MTAP: variants seen among roughly 807,000 people sequenced by gnomAD.
MTAP encodes methylthioadenosine phosphorylase, also known as S-methyl-5'-thioadenosine phosphorylase.
Under a neutral mutation model 33.6 loss-of-function variants are expected in MTAP, and 33 were observed. That is an observed-to-expected ratio of 0.98 (90% confidence interval 0.74 to 1.31). The LOEUF is 1.31. MTAP is among the 40% of genes most tolerant of loss of function. The pLI, the probability that MTAP is intolerant of heterozygous loss-of-function variation, is 0.00. For missense variants in MTAP, 367 were observed against 360.0 expected (o/e 1.02, Z -0.16); for synonymous variants, 148 against 125.7 (o/e 1.18, Z -1.19).
Position 21,876,217 on chromosome 9 carries a change from G to GT in MTAP, c.147+21356dup, listed in dbSNP as rs576851775. Among the ~76,000 whole-genome samples the GT allele has an allele frequency of 5.8e-3, 867 of 150,024 alleles. 18 individuals carry two copies. Among genetic ancestry groups the GT allele is most frequent in the East Asian group, 0.056 (286 of 5,102 alleles). On this transcript the variant is annotated intron_variant, in intron 1 of 1. Coordinates refer to the MTAP transcript ENST00000577563. ...TATCCTTTGCCCACTTTTAAATGGG[G>GT]TTTTTTTTTCTTGTAAATTTGTTTA...
At chr9:21,826,575 C>T (rs564681281) in intron 4 of MTAP, among the ~76,000 whole-genome samples, 4 of 150,622 alleles carry the variant, frequency 2.7e-5, no homozygotes, top group South Asian at 4.2e-4. Context: ...CTTCATAATG[C>T]GATCGATCAG....
In MTAP at chr9:21,859,404, A is replaced by C; in HGVS notation, c.792A>C (p.Ser264=). 1 of 1,612,962 alleles carries C rather than the reference A, an allele frequency of 6.2e-7. No homozygotes were observed. Among genetic ancestry groups the C allele is most frequent in the South Asian group, 1.1e-5 (1 of 90,732 alleles). The change falls in exon 7 of 8, where the codon TCA becomes TCC. Residue 264 remains serine (S), a synonymous_variant. Transcript: ENST00000644715. ...TIPQIGSTEW[S]ETLHNLKNMA... ...CTCAGATAGGGTCCACAGAATGGTC[A>C]GAAACCCTCCATAACCTGAAGGTAA...
chr9:21,836,002 C>A (rs377639482), intron 4 of MTAP, among the ~76,000 whole-genome samples: 26 of 152,214 alleles, frequency 1.7e-4, no homozygotes, highest in South Asian at 8.3e-4. Context: ...GCTTCTCCCC[C>A]AGGGCTACCC....
intron 1 of MTAP, among the ~76,000 whole-genome samples, chr9:21,806,439 G>A (rs1479026495): frequency 6.6e-6 from 1 of 152,110 alleles, no homozygotes; most frequent in Non-Finnish European, 1.5e-5. Context: ...GAGGGTGAGT[G>A]TAGGATTCCT....
chr9:21,890,262 G>C (rs1014661050), intron 1 of MTAP, among the ~76,000 whole-genome samples: 2 of 152,110 alleles, frequency 1.3e-5, no homozygotes, highest in Non-Finnish European at 2.9e-5. Context: ...TTCCCACGCA[G>C]CCAGCAAGGC....
At position 21,865,763 on chromosome 9, in the gene MTAP, C is replaced by T; in HGVS notation, c.*3749C>T. On this transcript the variant is annotated 3_prime_UTR_variant, in exon 8 of 8. Transcript: ENST00000644715. ...GGATCCCAAAGAATGAGGGGAATTT[C>T]TTCAGAAAGACAATCTCGGCATGCA... 9.6e-7 allele frequency: 1 copy of T among 1,040,394 alleles called. No individual in the cohort carries two copies. The highest frequency in any genetic ancestry group is 1.2e-6 in the Non-Finnish European group (1 of 858,242). 64.4% of individuals were successfully genotyped at this position (1,040,394 alleles called of 1,614,324 possible).
intron 1 of MTAP, among the ~76,000 whole-genome samples, chr9:21,810,294 C>T (rs893296444): frequency 6.6e-6 from 1 of 152,166 alleles, no homozygotes; most frequent in Middle Eastern, 3.2e-3. Flanking sequence ...ATCCCAATCT[C>T]TTGTAAGGAC....
At chr9:21,915,051 CCTTCCTTTCTTT>C (rs1266327565) in intron 1 of MTAP, among the ~76,000 whole-genome samples, 5 of 36,538 alleles carry the variant, frequency 1.4e-4, no homozygotes, top group South Asian at 2.2e-3. Flanking sequence ...TTCCTTCCTT[CCTTCCTTTCTTT>C]CTTTCTTTCT....
At chr9:21,823,762 A>G (rs1164974587) in intron 4 of MTAP, among the ~76,000 whole-genome samples, 1 of 152,096 alleles carries the variant, frequency 6.6e-6, no homozygotes, top group Non-Finnish European at 1.5e-5. Context: ...TCAGATGTAG[A>G]TTTGGTCTTT....
intron 1 of MTAP, among the ~76,000 whole-genome samples, chr9:21,809,633 C>G (rs1448578873): frequency 7.2e-6 from 1 of 139,200 alleles, no homozygotes; most frequent in Non-Finnish European, 1.5e-5. Context: ...AGTGAGACTC[C>G]GTCTCAAAAA....
downstream of MTAP, among the ~76,000 whole-genome samples, chr9:21,870,867 A>T (rs985112451): frequency 6.8e-6 from 1 of 146,280 alleles, no homozygotes; most frequent in African/African-American, 2.5e-5. Flanking sequence ...TCTACCTCCC[A>T]GGTTCAAGCA....
intron 5 of MTAP, among the ~76,000 whole-genome samples, chr9:21,850,528 A>G (rs180733270): frequency 6.9e-4 from 105 of 152,308 alleles, no homozygotes; most frequent in African/African-American, 2.4e-3. Context: ...AGCAAATCCA[A>G]TGGTCCTTGA....
chr9:21,885,485 C>G (rs780552619), intron 1 of MTAP, among the ~76,000 whole-genome samples: 2 of 151,838 alleles, frequency 1.3e-5, no homozygotes, highest in Non-Finnish European at 2.9e-5. Context: ...TGAGGATGGT[C>G]TTTAGTGTTG....
At chr9:21,880,305 A>G (rs1306345875) in intron 1 of MTAP, among the ~76,000 whole-genome samples, 2 of 152,140 alleles carry the variant, frequency 1.3e-5, no homozygotes, top group Non-Finnish European at 2.9e-5. Flanking sequence ...ATACTCTTGG[A>G]CTTCCCAGCC....
chr9:21,908,652 AT>A (rs1201507573), intron 1 of MTAP, among the ~76,000 whole-genome samples: 1 of 151,976 alleles, frequency 6.6e-6, no homozygotes, highest in Non-Finnish European at 1.5e-5. Flanking sequence ...TAACACTGAC[AT>A]TTTTTGTTGT....
intron 6 of MTAP, among the ~76,000 whole-genome samples, chr9:21,856,399 T>C (rs1261073742): frequency 6.6e-6 from 1 of 152,198 alleles, no homozygotes; most frequent in Non-Finnish European, 1.5e-5. Context: ...TAGGATGCCT[T>C]TTATGTAAGA....
chr9:21,876,782 C>T (rs547643307), intron 1 of MTAP, among the ~76,000 whole-genome samples: 1 of 151,902 alleles, frequency 6.6e-6, no homozygotes, highest in Non-Finnish European at 1.5e-5. Context: ...GATTATAGTT[C>T]GAAGTTGGGC....
chr9:21,872,715 G>A (rs921794324), intron 1 of MTAP, among the ~76,000 whole-genome samples: 2 of 152,216 alleles, frequency 1.3e-5, no homozygotes, highest in African/African-American at 4.8e-5. Flanking sequence ...TCTGTGAGGT[G>A]TAGAGCAAGC....
chr9:21,823,745 AC>A lies in MTAP; in HGVS notation c.347+5544del, dbSNP rs572673310. Among the ~76,000 whole-genome samples the A allele has an allele frequency of 2.3e-3, 353 of 152,296 alleles. 1 individual carries two copies. Among genetic ancestry groups the A allele is most frequent in the African/African-American group, 7.6e-3 (316 of 41,554 alleles). ...TCCATTCTCTCTGTCACTTTCCGGTACACCAATCAGATGTAGATTTGGTCTT... is the reference window on the plus strand; with the variant it reads ...TCCATTCTCTCTGTCACTTTCCGGTAACCAATCAGATGTAGATTTGGTCTT... On this transcript the variant is annotated intron_variant, in intron 4 of 7. Transcript: ENST00000644715.
Sources: gnomAD v4.1 joint callset for allele counts (sites outside exome capture counted in the v4.1 genomes callset) on GRCh38, gnomAD v4.1.1 for gene constraint, MANE v1.5 for transcripts, NCBI Gene and HGNC (gene_info 2026-07-23, HGNC 2026-07-21) for gene names.